Variants in HEATR5A observed in about 807,000 individuals in gnomAD.
HEATR5A encodes the protein HEAT repeat-containing protein 5A.
Under a neutral mutation model 218.8 loss-of-function variants are expected in HEATR5A, and 178 were observed. The observed-to-expected ratio is 0.81, with a 90% CI of 0.72 to 0.92. The LOEUF is 0.92. HEATR5A is among the 40% of genes least tolerant of loss of function. HEATR5A has a pLI of 0.00. For synonymous variants in HEATR5A, 864 were observed against 871.6 expected (o/e 0.99, Z 0.15); for missense variants, 2,420 against 2,418.9 (o/e 1.00, Z -0.01).
rs916553710 is a variant in HEATR5A, at chr14:31,367,373, A to G, written c.1962-3075T>C. ...ATCTTCAAATTTATCCACAGATTCA[A>G]TGCAATCTCAAATAAAATTTATCTT... On this transcript the variant is annotated intron_variant, in intron 13 of 35. Coordinates refer to ENST00000543095, the MANE Select transcript of HEATR5A (RefSeq NM_015473.4). Among the ~76,000 whole-genome samples, 3 of 152,110 alleles carry G rather than the reference A, an allele frequency of 2.0e-5. No individual in the cohort carries two copies. In the East Asian group the frequency reaches 5.8e-4, roughly 29 times the overall value.
intron 1 of HEATR5A, among the ~76,000 whole-genome samples, chr14:31,406,727 G>A (rs1342881345): frequency 6.6e-6 from 1 of 152,104 alleles, no homozygotes; most frequent in Non-Finnish European, 1.5e-5. Flanking sequence ...GGAGGCCAAG[G>A]CAGGTGGATC....
intron 16 of HEATR5A, among the ~76,000 whole-genome samples, chr14:31,354,975 T>C (rs7156569): frequency 0.84 from 128,541 of 152,190 alleles, 55,195 homozygotes; most frequent in Non-Finnish European, 0.93. Context: ...CCCACCACCA[T>C]AGTATGCATA....
rs755295822 is a variant in HEATR5A, at chr14:31,349,962, C to T, written c.2535G>A (p.Lys845=). ...TCATTTCTTCTGGACCTAAACATCC[C>T]TTGGAGCCAGCCACGTACTGAAATA... is the stretch of plus-strand genomic sequence containing the variant. ...SSFLKYVAGS[K]GCLGPEEMKR... Residue 845 remains lysine, a synonymous_variant, in exon 18 of 36, where the codon AAG becomes AAA. Coordinates refer to ENST00000543095, the MANE Select transcript of HEATR5A (RefSeq NM_015473.4). The T allele has an allele frequency of 6.3e-7, 1 of 1,583,336 alleles. No homozygotes were observed. The highest frequency in any genetic ancestry group is 1.4e-5 in the African/African-American group (1 of 73,866).
Position 31,293,607 on chromosome 14 carries a change from G to T in HEATR5A, c.5839C>A (p.Gln1947Lys). The T allele has an allele frequency of 6.2e-7, 1 of 1,600,926 alleles. No homozygotes were observed. Among genetic ancestry groups the T allele is most frequent in the South Asian group, 1.1e-5 (1 of 88,570 alleles). The part of the protein sequence containing the change: ...VTVAEEHHRA[Q>K]LVACLLPILI... ...ATGGGCAAAAGACAGGCCACCAGCT[G>T]AGCGCCTAGAAAGTAAACAAATAAT... Residue 1947 changes from glutamine (Q) to lysine (K), a missense_variant, in exon 36 of 36, where the codon CAG (glutamine) becomes AAG (lysine). Physicochemically the swap from Gln to Lys is moderately conservative, Grantham distance 53. Transcript: ENST00000543095.
chr14:31,408,306 G>C lies in HEATR5A; in HGVS notation c.-74-5257C>G, dbSNP rs866593629. Among the ~76,000 whole-genome samples the C allele has an allele frequency of 1.3e-4, 19 of 151,964 alleles. 1 individual carries two copies. The South Asian group carries it at 4.0e-3, about 32-fold the overall frequency. ...GCTAGAGGTCAAATTTAGACTAAAGGGTCAAATTTTACTTAAAGTTTTCCC... is the reference window on the plus strand; with the variant it reads ...GCTAGAGGTCAAATTTAGACTAAAGCGTCAAATTTTACTTAAAGTTTTCCC... On this transcript the variant is annotated intron_variant, in intron 1 of 35. Transcript: ENST00000543095.
intron 1 of HEATR5A, among the ~76,000 whole-genome samples, chr14:31,410,029 G>A (rs1047321751): frequency 1.3e-5 from 2 of 152,100 alleles, no homozygotes; most frequent in Non-Finnish European, 2.9e-5. Flanking sequence ...AGAGGACATT[G>A]GACATGAGAT....
intron 21 of HEATR5A, 142 bp from the exon 22 acceptor site, chr14:31,337,756 C>A: frequency 1.7e-6 from 1 of 595,826 alleles, no homozygotes; most frequent in Non-Finnish European, 2.9e-6. Context: ...ATAGGAACTT[C>A]TTGAAACCAT....
At chr14:31,326,135 A>AT in intron 23 of HEATR5A, 28 bp downstream of exon 23, 1 of 1,571,598 alleles carries the variant, frequency 6.4e-7, no homozygotes, top group Non-Finnish European at 8.8e-7. Flanking sequence ...CAATTTTATT[A>AT]TTTTAACTGA....
chr14:31,302,413 G>A lies in HEATR5A; in HGVS notation c.5346C>T (p.Ser1782=). The A allele has an allele frequency of 3.1e-6, 5 of 1,600,072 alleles. No homozygotes were observed. Among genetic ancestry groups the A allele is most frequent in the Non-Finnish European group, 4.3e-6 (5 of 1,172,960 alleles). Residue 1782 remains serine, a synonymous_variant, in exon 33 of 36, where the codon TCC becomes TCT. Transcript: ENST00000543095. Reference sequence around the variant, plus strand: ...ATAATATTCCTTTTAGAGCCTGTAGGGAAGCTGCAACTGTCGAAGATAACT... The same window carrying A: ...ATAATATTCCTTTTAGAGCCTGTAGAGAAGCTGCAACTGTCGAAGATAACT... ...GGQLSSTVAA[S]LQALKGILSS...
intron 11 of HEATR5A, among the ~76,000 whole-genome samples, 185 bp downstream of exon 11, chr14:31,380,282 A>G (rs1372739005): frequency 6.6e-6 from 1 of 152,246 alleles, no homozygotes; most frequent in Non-Finnish European, 1.5e-5. Context: ...AGAGATCTCA[A>G]AAGGTTTTAA....
intron 19 of HEATR5A, among the ~76,000 whole-genome samples, 184 bp downstream of exon 19, chr14:31,347,564 A>G (rs2139211856): frequency 6.6e-6 from 1 of 152,366 alleles, no homozygotes; most frequent in Non-Finnish European, 1.5e-5. Flanking sequence ...ACACACTGAA[A>G]TTGACTTCAG....
chr14:31,294,199 A>C (rs1330081599), intron 34 of HEATR5A, 95 bp from the exon 35 acceptor site: 3 of 790,470 alleles, frequency 3.8e-6, no homozygotes, highest in Non-Finnish European at 2.0e-6. Context: ...GAAGGTATTT[A>C]AATTTATTTC....
chr14:31,334,016 C>T (rs140793152), intron 22 of HEATR5A, among the ~76,000 whole-genome samples: 2,277 of 121,340 alleles, frequency 0.019, 137 homozygotes, highest in Admixed American at 0.16. Context: ...CCAGCCAGGG[C>T]GACAGAGACA....
chr14:31,389,866 T>C (rs1358610670), intron 6 of HEATR5A, among the ~76,000 whole-genome samples: 1 of 152,134 alleles, frequency 6.6e-6, no homozygotes, highest in Non-Finnish European at 1.5e-5. Flanking sequence ...CTGTGGATCA[T>C]AAATTCTAAG....
intron 34 of HEATR5A, chr14:31,295,289 A>T (rs1899144681): frequency 6.6e-6 from 1 of 152,128 alleles, no homozygotes. Flanking sequence ...TCTGTCATCC[A>T]GGCTGCGGTG....
At chr14:31,393,862 G>A (rs1186842433) in intron 6 of HEATR5A, among the ~76,000 whole-genome samples, 190 bp downstream of exon 6, 1 of 152,076 alleles carries the variant, frequency 6.6e-6, no homozygotes, top group Non-Finnish European at 1.5e-5. Context: ...TGGCCAGACT[G>A]GTCTCAAACT....
chr14:31,338,482 T>C (rs1900738147), intron 21 of HEATR5A, among the ~76,000 whole-genome samples: 2 of 152,186 alleles, frequency 1.3e-5, no homozygotes, highest in Non-Finnish European at 1.5e-5. Flanking sequence ...CAATAGGTTG[T>C]ATCTACCCAT....
intron 31 of HEATR5A, among the ~76,000 whole-genome samples, chr14:31,306,033 C>T (rs1441253313): frequency 6.6e-6 from 1 of 152,198 alleles, no homozygotes; most frequent in Non-Finnish European, 1.5e-5. Context: ...TCTTTCCATG[C>T]ACGTTGGTAA....
chr14:31,351,860 C>T (rs1901245045), intron 16 of HEATR5A, among the ~76,000 whole-genome samples: 1 of 151,974 alleles, frequency 6.6e-6, no homozygotes, highest in Non-Finnish European at 1.5e-5. Context: ...AGCGATCCTC[C>T]AGCCTCGGCC....
Sources: allele counts gnomAD v4.1 joint callset (sites outside exome capture counted in the v4.1 genomes callset), GRCh38; gene constraint gnomAD v4.1.1; transcripts MANE v1.5; gene names NCBI Gene and HGNC (gene_info 2026-07-23, HGNC 2026-07-21).